MICU1: variants seen among roughly 807,000 people sequenced by gnomAD.
MICU1 encodes mitochondrial calcium uptake 1.
In MICU1, 45 loss-of-function variants were observed where a neutral mutation model predicts 56.8. The observed-to-expected ratio is 0.79, with a 90% confidence interval of 0.62 to 1.02. The LOEUF (loss-of-function observed/expected upper bound fraction) is 1.02. Among genes scored for constraint, MICU1 ranks in the 50% least tolerant of loss-of-function variants. The pLI, the probability that MICU1 is intolerant of heterozygous loss-of-function variation, is 0.00. For synonymous variants in MICU1, 186 were observed against 195.1 expected (o/e 0.95, Z 0.39); for missense variants, 504 against 587.1 (o/e 0.86, Z 1.46).
At chr10:72,554,598 A>G (rs1274884408) in intron 3 of MICU1, among the ~76,000 whole-genome samples, 1 of 152,258 alleles carries the variant, frequency 6.6e-6, no homozygotes, top group Non-Finnish European at 1.5e-5. Context: ...AAATTAAACT[A>G]TATGTCTAGG....
At chr10:72,605,132 A>C (rs544063008) in intron 1 of MICU1, among the ~76,000 whole-genome samples, 2 of 152,346 alleles carry the variant, frequency 1.3e-5, no homozygotes, top group Non-Finnish European at 2.9e-5. Context: ...GAAGCCAGCC[A>C]AACCCCACCA....
chr10:72,438,847 A>C (rs1477957568), intron 8 of MICU1, among the ~76,000 whole-genome samples: 5 of 152,076 alleles, frequency 3.3e-5, no homozygotes, highest in Admixed American at 1.3e-4. Context: ...AAGACTAAAC[A>C]AGGAAGAAGT....
At chr10:72,491,529 G>A (rs189957817) in intron 6 of MICU1, among the ~76,000 whole-genome samples, 6 of 152,292 alleles carry the variant, frequency 3.9e-5, no homozygotes, top group African/African-American at 1.2e-4. Flanking sequence ...CATTAATTAT[G>A]TAATTGTCTA....
chr10:72,456,278 T>C (rs1232463496), intron 8 of MICU1, among the ~76,000 whole-genome samples: 1 of 152,162 alleles, frequency 6.6e-6, no homozygotes, highest in African/African-American at 2.4e-5. Flanking sequence ...GCGGTGAGTA[T>C]GTATATGAAT....
intron 9 of MICU1, among the ~76,000 whole-genome samples, chr10:72,422,813 T>G (rs1236643623): frequency 7.2e-6 from 1 of 138,414 alleles, no homozygotes; most frequent in Non-Finnish European, 1.6e-5. Flanking sequence ...TGGTTTCAAG[T>G]GATTCTTGTG....
At chr10:72,449,087 C>T (rs1271936430) in intron 8 of MICU1, among the ~76,000 whole-genome samples, 2 of 152,168 alleles carry the variant, frequency 1.3e-5, no homozygotes, top group Non-Finnish European at 2.9e-5. Context: ...CATTTGCCAC[C>T]ATGACCAGCT....
intron 8 of MICU1, among the ~76,000 whole-genome samples, chr10:72,452,284 C>A (rs180798136): frequency 6.6e-6 from 1 of 152,198 alleles, no homozygotes; most frequent in African/African-American, 2.4e-5. Flanking sequence ...GGAGGATACA[C>A]GCTATCTATG....
chr10:72,550,619 T>C (rs2132442574), intron 4 of MICU1, among the ~76,000 whole-genome samples: 1 of 152,362 alleles, frequency 6.6e-6, no homozygotes, highest in Non-Finnish European at 1.5e-5. Flanking sequence ...AACCAATCAA[T>C]ATATAACTTT....
chr10:72,435,216 C>A (rs1201949045), intron 8 of MICU1, among the ~76,000 whole-genome samples: 2 of 151,484 alleles, frequency 1.3e-5, no homozygotes, highest in East Asian at 3.9e-4. Flanking sequence ...ACAGTGAGAC[C>A]TGATTCTACA....
intron 1 of MICU1, among the ~76,000 whole-genome samples, chr10:72,567,777 A>G (rs1275455096): frequency 6.6e-6 from 1 of 152,160 alleles, no homozygotes; most frequent in Non-Finnish European, 1.5e-5. Flanking sequence ...ATGCTATAGA[A>G]GCAAGCCACA....
At chr10:72,556,870 G>C (rs974290253) in intron 3 of MICU1, among the ~76,000 whole-genome samples, 1 of 151,718 alleles carries the variant, frequency 6.6e-6, no homozygotes. Context: ...TTCGAGACCA[G>C]CCTGGCCAAA....
At chr10:72,433,242 TTTC>T (rs1864602467) in intron 8 of MICU1, among the ~76,000 whole-genome samples, 1 of 151,478 alleles carries the variant, frequency 6.6e-6, no homozygotes, top group Non-Finnish European at 1.5e-5. Context: ...TGCCTGGCTT[TTTC>T]TTCGCAATTT....
chr10:72,480,975 G>A (rs1866275916), intron 6 of MICU1, among the ~76,000 whole-genome samples: 1 of 152,168 alleles, frequency 6.6e-6, no homozygotes, highest in South Asian at 2.1e-4. Context: ...TCAAAGTACT[G>A]GCTTTATGTG....
intron 8 of MICU1, among the ~76,000 whole-genome samples, chr10:72,443,449 C>T (rs1291205942): frequency 1.3e-5 from 2 of 152,142 alleles, no homozygotes; most frequent in South Asian, 2.1e-4. Flanking sequence ...CTTGCCCGTG[C>T]CTATGTCCTG....
At chr10:72,477,607 G>C (rs1353171498) in intron 6 of MICU1, 1 of 1,444,036 alleles carries the variant, frequency 6.9e-7, no homozygotes, top group African/African-American at 1.4e-5. Flanking sequence ...TACTTATCTG[G>C]GCAAGAAAGT....
At chr10:72,498,590 A>C (rs533334987) in intron 6 of MICU1, among the ~76,000 whole-genome samples, 1 of 152,128 alleles carries the variant, frequency 6.6e-6, no homozygotes. Flanking sequence ...TGTATCAAAA[A>C]AGAAAGAAAG....
At chr10:72,523,804 T>C (rs1025012020) in intron 5 of MICU1, 2 of 1,521,384 alleles carry the variant, frequency 1.3e-6, no homozygotes, top group Admixed American at 2.0e-5. Context: ...AAAAGTACCT[T>C]TAGGAGTGTC....
intron 5 of MICU1, among the ~76,000 whole-genome samples, chr10:72,527,445 C>T (rs1251107562): frequency 6.6e-6 from 1 of 152,076 alleles, no homozygotes; most frequent in Non-Finnish European, 1.5e-5. Context: ...AATCTGCAGC[C>T]TCTCCCTGCT....
At chr10:72,399,601 G>A (rs1251884998) in intron 10 of MICU1, among the ~76,000 whole-genome samples, 4 of 151,942 alleles carry the variant, frequency 2.6e-5, no homozygotes, top group Admixed American at 1.3e-4. Context: ...GGCTGAGATC[G>A]CGCCACTGTA....
Sources: gnomAD v4.1 joint callset for allele counts (sites outside exome capture counted in the v4.1 genomes callset) on GRCh38, gnomAD v4.1.1 for gene constraint, MANE v1.5 for transcripts, NCBI Gene and HGNC (gene_info 2026-07-23, HGNC 2026-07-21) for gene names.